SLC36A1: variants seen among roughly 807,000 people sequenced by gnomAD.
The protein encoded by SLC36A1 is proton-coupled amino acid transporter 1.
In SLC36A1, 30 loss-of-function variants were observed where a neutral mutation model predicts 47.5. The observed-to-expected ratio is 0.63, with a 90% CI of 0.47 to 0.86. The LOEUF (loss-of-function observed/expected upper bound fraction) is 0.86, where lower values mean the gene tolerates loss of function less well. Among genes scored for constraint, SLC36A1 ranks in the 40% least tolerant of loss-of-function variants. The pLI, the probability that SLC36A1 is intolerant of heterozygous loss-of-function variation, is 0.00. For missense variants in SLC36A1, 517 were observed against 606.0 expected, an observed-to-expected ratio of 0.85 and a Z score of 1.54; for synonymous variants, 255 against 249.7, an observed-to-expected ratio of 1.02 and a Z score of -0.20.
intron 1 of SLC36A1, among the ~76,000 whole-genome samples, chr5:151,448,582 T>C (rs1234608790): frequency 6.6e-6 from 1 of 152,242 alleles, no homozygotes; most frequent in Non-Finnish European, 1.5e-5. Flanking sequence ...TCTGGGAAGA[T>C]AGGTGGCTGA....
the SLC36A1 span, chr5:151,540,797 G>A: frequency 6.3e-7 from 1 of 1,583,590 alleles, no homozygotes; most frequent in South Asian, 1.1e-5. Context: ...CAGAAGCCAA[G>A]CAATAGGAAT....
At chr5:151,481,234 A>T (rs1231534316) in intron 10 of SLC36A1, among the ~76,000 whole-genome samples, 1 of 152,172 alleles carries the variant, frequency 6.6e-6, no homozygotes, top group Admixed American at 6.5e-5. Context: ...TTGGTCTTCA[A>T]GTGTGTGCAG....
intron 10 of SLC36A1, among the ~76,000 whole-genome samples, chr5:151,483,674 C>T (rs1343904086): frequency 6.6e-6 from 1 of 152,072 alleles, no homozygotes; most frequent in African/African-American, 2.4e-5. Context: ...TCTGCATAGT[C>T]GATTGCTGCT....
the SLC36A1 span, among the ~76,000 whole-genome samples, chr5:151,402,735 A>G: frequency 6.6e-6 from 1 of 151,984 alleles, no homozygotes; most frequent in Non-Finnish European, 1.5e-5. Context: ...TAAATCTTGG[A>G]TGGTGTTTTG....
chr5:151,505,294 G>C, the SLC36A1 span: 1 of 529,444 alleles, frequency 1.9e-6, no homozygotes, highest in East Asian at 3.4e-5. Flanking sequence ...CACCCCGGGA[G>C]TCAATTGTTC....
At chr5:151,353,245 G>T in the SLC36A1 span, among the ~76,000 whole-genome samples, 1 of 152,158 alleles carries the variant, frequency 6.6e-6, no homozygotes, top group Admixed American at 6.5e-5. Context: ...AGGCATAACA[G>T]TCCCTTCATT....
the SLC36A1 span, among the ~76,000 whole-genome samples, chr5:151,344,733 G>A: frequency 1.3e-5 from 2 of 152,132 alleles, no homozygotes; most frequent in African/African-American, 4.8e-5. Flanking sequence ...AACTCAGACA[G>A]CGTAAGTAAA....
At chr5:151,364,235 A>T in the SLC36A1 span, among the ~76,000 whole-genome samples, 4 of 152,120 alleles carry the variant, frequency 2.6e-5, no homozygotes, top group Non-Finnish European at 5.9e-5. Context: ...TAATTTTTTA[A>T]TGTTTCTAGG....
chr5:151,494,662 T>G (rs1561799294), downstream of SLC36A1, among the ~76,000 whole-genome samples: 1 of 152,270 alleles, frequency 6.6e-6, no homozygotes, highest in East Asian at 1.9e-4. Context: ...GAGTAGTATC[T>G]ATTGCGTGGA....
intron 10 of SLC36A1, among the ~76,000 whole-genome samples, chr5:151,485,422 G>T (rs1174603915): frequency 6.6e-6 from 1 of 152,200 alleles, no homozygotes; most frequent in Non-Finnish European, 1.5e-5. Flanking sequence ...GCAGAAAGAG[G>T]TCAGGGCTGA....
In SLC36A1 at chr5:151,479,294, G is replaced by C. The variant is rs369526506; in HGVS notation, c.990-26G>C. On this transcript the variant is annotated intron_variant, in intron 9 of 10. Transcript: ENST00000243389. ...ATGTATAAGTGTGCTGAGCAGGCTTGGAATGTCTCCTGTCTGTTTCGGCAG... is the reference window on the plus strand; with the variant it reads ...ATGTATAAGTGTGCTGAGCAGGCTTCGAATGTCTCCTGTCTGTTTCGGCAG... The C allele has an allele frequency of 9.9e-6, 16 of 1,611,084 alleles. No individual in the cohort carries two copies. In the African/African-American group the frequency reaches 1.3e-4, roughly 13 times the overall value.
the SLC36A1 span, among the ~76,000 whole-genome samples, chr5:151,535,211 C>T: frequency 2.0e-5 from 3 of 151,888 alleles, no homozygotes; most frequent in South Asian, 6.2e-4. Context: ...CTGCCCGTAA[C>T]TCCCACAGCC....
intron 2 of SLC36A1, 31 bp downstream of exon 2, chr5:151,458,966 G>A (rs1581105322): frequency 6.3e-7 from 1 of 1,581,146 alleles, no homozygotes; most frequent in East Asian, 2.3e-5. Flanking sequence ...CCTCTCCTGG[G>A]TGGGATTCGT....
chr5:151,398,756 C>G, the SLC36A1 span, among the ~76,000 whole-genome samples: 1 of 152,138 alleles, frequency 6.6e-6, no homozygotes, highest in African/African-American at 2.4e-5. Context: ...GGTCTGGGAG[C>G]TGGTGGGTGC....
At chr5:151,347,780 A>G in the SLC36A1 span, among the ~76,000 whole-genome samples, 2 of 152,228 alleles carry the variant, frequency 1.3e-5, no homozygotes, top group Non-Finnish European at 2.9e-5. Context: ...ACAAATATCT[A>G]TTAAGCCCTG....
intron 7 of SLC36A1, among the ~76,000 whole-genome samples, chr5:151,472,848 T>C (rs1292227913): frequency 6.6e-6 from 1 of 152,248 alleles, no homozygotes; most frequent in Admixed American, 6.5e-5. Flanking sequence ...CATGTTCTAC[T>C]TAGTTATCTC....
chr5:151,368,960 A>G, the SLC36A1 span, among the ~76,000 whole-genome samples: 4 of 152,176 alleles, frequency 2.6e-5, no homozygotes, highest in East Asian at 1.9e-4. Flanking sequence ...GGCTATTTCA[A>G]CCTTTACCAG....
At chr5:151,361,481 A>C in the SLC36A1 span, among the ~76,000 whole-genome samples, 1 of 152,366 alleles carries the variant, frequency 6.6e-6, no homozygotes, top group East Asian at 1.9e-4. Context: ...AGTCAAAAAT[A>C]GTGAGAGAAA....
Sources: allele counts gnomAD v4.1 joint callset (sites outside exome capture counted in the v4.1 genomes callset), GRCh38; gene constraint gnomAD v4.1.1; transcripts MANE v1.5; gene names NCBI Gene and HGNC (gene_info 2026-07-23, HGNC 2026-07-21).